CLSTN3: variants seen among roughly 807,000 people sequenced by gnomAD.
CLSTN3 encodes the protein calsyntenin 3.
CLSTN3 carries 36 observed loss-of-function variants against 95.9 expected under a neutral mutation model. That is an observed-to-expected ratio of 0.38 (90% CI 0.29 to 0.50). The LOEUF is 0.50. Ranked by LOEUF, CLSTN3 falls within the 20% of genes least tolerant of loss-of-function variation. The probability of loss-of-function intolerance (pLI) is 0.95; values close to 1 mark genes in which losing one functional copy is unlikely to be tolerated. For missense variants in CLSTN3, 1,084 were observed against 1,268.8 expected (o/e 0.85, Z 2.21); for synonymous variants, 481 against 504.0 (o/e 0.95, Z 0.61).
chr12:7,142,595 T>G (rs1591617275), intron 10 of CLSTN3, among the ~76,000 whole-genome samples: 2 of 152,162 alleles, frequency 1.3e-5, no homozygotes, highest in East Asian at 3.9e-4. Flanking sequence ...TCTTTGTTGC[T>G]TCTACTTTTC....
At chr12:7,143,936 A>T (rs868160418) in intron 12 of CLSTN3, among the ~76,000 whole-genome samples, 3 of 152,192 alleles carry the variant, frequency 2.0e-5, no homozygotes, top group Non-Finnish European at 4.4e-5. Flanking sequence ...CTAATCCTTC[A>T]TAGAAAAAGT....
At position 7,149,471 on chromosome 12, in the gene CLSTN3, A is replaced by C; in HGVS notation, c.2075-52A>C. Reference sequence around the variant, plus strand: ...TGATGAGGGCATGGTTGGGTCTCAGAACCTCCGTGGGCCCTTTGGCTCTGA... The same window carrying C: ...TGATGAGGGCATGGTTGGGTCTCAGCACCTCCGTGGGCCCTTTGGCTCTGA... On this transcript the variant is annotated intron_variant, in intron 13 of 17. Transcript: ENST00000266546. This position sits in a 1 kb window ranked among gnomAD's most constrained non-coding sequence, Gnocchi z 4.5. 314 of 1,547,088 alleles carry C rather than the reference A, an allele frequency of 2.0e-4. No individual in the cohort carries two copies. Among genetic ancestry groups the C allele is most frequent in the Non-Finnish European group, 2.5e-4 (288 of 1,135,916 alleles).
intron 16 of CLSTN3, among the ~76,000 whole-genome samples, chr12:7,153,422 G>A (rs944204350): frequency 2.0e-5 from 3 of 152,182 alleles, no homozygotes; most frequent in African/African-American, 7.2e-5. Flanking sequence ...TGGGATTACA[G>A]GTGTGAGCCG....
At position 7,150,895 on chromosome 12, in the gene CLSTN3, C is replaced by T. The variant is rs1939711615; in HGVS notation, c.2392-33C>T. 5.1e-6 allele frequency: 8 copies of T among 1,555,570 alleles called. No individual in the cohort carries two copies. The highest frequency in any genetic ancestry group is 2.7e-5 in the African/African-American group (2 of 73,676). The stretch of plus-strand genomic sequence containing the variant: ...AGAAGTGGGGAGGACCTGGGAGAAG[C>T]GTGTGTGCCCATGGAGCCCTCCCTC... On this transcript the variant is annotated intron_variant, in intron 15 of 17. Transcript: ENST00000266546. The surrounding 1 kb of genome is among the most constrained non-coding windows in gnomAD (Gnocchi z 4.0).
rs1297332211 is a variant in CLSTN3 at position 7,157,843 on chromosome 12, CAG to C, written c.2731-97_2731-96del. On this transcript the variant is annotated intron_variant, in intron 17 of 17. Transcript: ENST00000266546. The surrounding 1 kb of genome is among the most constrained non-coding windows in gnomAD (Gnocchi z 5.9). ...AGGTTCAGGCAGGGAAGGGGGTACA[CAG>C]GGGTTAAGGGGACCGAGGGAAGTGT... 6.6e-6 allele frequency: 10 copies of C among 1,516,968 alleles called. No individual in the cohort carries two copies. Among genetic ancestry groups the C allele is most frequent in the African/African-American group, 1.4e-5 (1 of 72,514 alleles). The allele number at this position is 1,516,968 out of a possible 1,614,324, so 94.0% of individuals were successfully genotyped here.
Position 7,149,724 on chromosome 12 carries a change from G to C in CLSTN3, c.2245+31G>C. ...TGGGGCCTGAGGGCCTGTCCTCTGT[G>C]TGTGTGTGCCCCTCCCAAAAAGTAA... On this transcript the variant is annotated intron_variant, in intron 14 of 17. Transcript: ENST00000266546. The surrounding 1 kb of genome is among the most constrained non-coding windows in gnomAD (Gnocchi z 4.5). 6.3e-7 allele frequency: 1 copy of C among 1,594,966 alleles called. No homozygotes were observed. The highest frequency in any genetic ancestry group is 8.6e-7 in the Non-Finnish European group (1 of 1,167,368).
intron 4 of CLSTN3, 88 bp downstream of exon 4, chr12:7,135,623 T>C (rs1339522354): frequency 1.4e-6 from 2 of 1,458,226 alleles, no homozygotes; most frequent in Non-Finnish European, 1.9e-6. Context: ...TTCTCCACTT[T>C]TGCCCCTCAG....
chr12:7,143,119 A>G (rs757221609), intron 11 of CLSTN3, 44 bp from the exon 12 acceptor site: 2 of 1,596,924 alleles, frequency 1.3e-6, no homozygotes, highest in South Asian at 1.1e-5. Flanking sequence ...TTCCTCTGCC[A>G]CCTCCTGGCC....
At position 7,132,679 on chromosome 12, in the gene CLSTN3, C is replaced by T. The variant is rs2135793479; in HGVS notation, c.65-345C>T. On this transcript the variant is annotated intron_variant, in intron 1 of 17. Coordinates refer to ENST00000266546, the MANE Select transcript of CLSTN3 (RefSeq NM_014718.4). ...GCCCACCACTGCTCCCTGAAGTTCC[C>T]TGTCTCCATTCTCTAGCACGTGAAA... The T allele has an allele frequency of 5.3e-6, 3 of 565,958 alleles. No individual in the cohort carries two copies. The East Asian group carries it at 8.6e-5, about 16-fold the overall frequency. 35.1% of individuals were successfully genotyped at this position (565,958 alleles called of 1,614,324 possible).
intron 1 of CLSTN3, chr12:7,132,681 G>A: frequency 1.8e-6 from 1 of 565,152 alleles, no homozygotes; most frequent in Non-Finnish European, 3.2e-6. Flanking sequence ...GAAGTTCCCT[G>A]TCTCCATTCT....
chr12:7,148,510 A>G, intron 12 of CLSTN3, among the ~76,000 whole-genome samples: 1 of 152,244 alleles, frequency 6.6e-6, no homozygotes, highest in Non-Finnish European at 1.5e-5. Flanking sequence ...ATCCTTTGAT[A>G]GATGTCCACA....
At chr12:7,153,788 C>G (rs1939766843) in intron 16 of CLSTN3, among the ~76,000 whole-genome samples, 1 of 152,148 alleles carries the variant, frequency 6.6e-6, no homozygotes. Context: ...GATTCTCGAT[C>G]CTTACTTTCT....
rs955612312 is a variant in CLSTN3, at chr12:7,145,730, C to T, written c.1847+2419C>T. Reference sequence around the variant, plus strand: ...CTAGAAGTTCTGCTAGCACCTCAACCGAAAGAGCTAATGCTGAAATAATCA... The same window carrying T: ...CTAGAAGTTCTGCTAGCACCTCAACTGAAAGAGCTAATGCTGAAATAATCA... On this transcript the variant is annotated intron_variant, in intron 12 of 17. Coordinates refer to ENST00000266546, the MANE Select transcript of CLSTN3 (RefSeq NM_014718.4). Among the ~76,000 whole-genome samples, 7 of 152,120 alleles carry T rather than the reference C, an allele frequency of 4.6e-5. No homozygotes were observed. The East Asian group carries it at 5.8e-4, about 13-fold the overall frequency.
intron 16 of CLSTN3, chr12:7,156,886 G>A (rs1286966566): frequency 2.4e-5 from 11 of 454,350 alleles, no homozygotes; most frequent in African/African-American, 4.0e-5. Context: ...GGAGCCCCAA[G>A]CCCACCAGGA....
In CLSTN3 at chr12:7,148,961, T is replaced by G. The variant is rs1213370283; in HGVS notation, c.1848-11T>G. The G allele has an allele frequency of 6.2e-7, 1 of 1,612,004 alleles. No individual in the cohort carries two copies. The highest frequency in any genetic ancestry group is 8.5e-7 in the Non-Finnish European group (1 of 1,178,344). ...GGGGTCACATGCTGCTTCTCCTGCTTTCTTACATAGGTGCTTCAGCGAAGA... is the reference window on the plus strand; with the variant it reads ...GGGGTCACATGCTGCTTCTCCTGCTGTCTTACATAGGTGCTTCAGCGAAGA... On this transcript the variant is annotated splice_polypyrimidine_tract_variant and intron_variant, in intron 12 of 17. Transcript: ENST00000266546.
At position 7,130,653 on chromosome 12, in the gene CLSTN3, C is replaced by T. The variant is rs1206333649; in HGVS notation, c.5C>T (p.Thr2Ile). 3 of 1,569,776 alleles carry T rather than the reference C, an allele frequency of 1.9e-6. No individual in the cohort carries two copies. The highest frequency in any genetic ancestry group is 1.3e-5 in the African/African-American group (1 of 74,210). ...TGCCCTGCCCCACGCCGCACCATGA[C>T]CCTCCTGCTGCTGCCCCTTCTGCTG... M[T>I]LLLLPLLLAS... The change falls in exon 1 of 18, where the codon ACC (threonine) becomes ATC (isoleucine). Residue 2 changes from threonine to isoleucine, a missense_variant. By Grantham distance (89) the Thr-to-Ile change is moderately conservative. Coordinates refer to ENST00000266546, the MANE Select transcript of CLSTN3 (RefSeq NM_014718.4).
In CLSTN3 at chr12:7,143,231, C is replaced by T. The variant is rs1320409626; in HGVS notation, c.1767C>T (p.Ala589=). 1.9e-6 allele frequency: 3 copies of T among 1,614,024 alleles called. No individual in the cohort carries two copies. In the African/African-American group the frequency reaches 4.0e-5, roughly 22 times the overall value. Residue 589 remains alanine, a synonymous_variant, in exon 12 of 18, where the codon GCC becomes GCT. Transcript: ENST00000266546. ...ATGATGTGGAGACCTTCAACCATGC[C>T]CTGCAGCATGTGGCTTACATGAACA... ...EGDDVETFNH[A]LQHVAYMNTL...
rs752282204 is a variant in CLSTN3 at position 7,136,370 on chromosome 12, C to G, written c.907C>G (p.Arg303Gly). 1.2e-6 allele frequency: 2 copies of G among 1,612,266 alleles called. No homozygotes were observed. The highest frequency in any genetic ancestry group is 1.1e-5 in the South Asian group (1 of 90,828). The change falls in exon 6 of 18, where the codon CGG becomes GGG. Residue 303 changes from arginine (R) to glycine (G), a missense_variant. Coordinates refer to ENST00000266546, the MANE Select transcript of CLSTN3 (RefSeq NM_014718.4). ...KGCDRDNYSERALRKLCGAAT... is the reference protein window; with the variant it reads ...KGCDRDNYSEGALRKLCGAAT... The stretch of plus-strand genomic sequence containing the variant: ...CTGTGACCGTGACAACTACTCAGAG[C>G]GGGCGCTGCGGAAACTCTGTGGTAG...
chr12:7,135,759 C>A, intron 4 of CLSTN3, 45 bp from the exon 5 acceptor site: 1 of 1,555,604 alleles, frequency 6.4e-7, no homozygotes. Flanking sequence ...CTGCCCTGGG[C>A]TTTCTCCAAT....
Sources: allele counts gnomAD v4.1 joint callset (sites outside exome capture counted in the v4.1 genomes callset), GRCh38; gene constraint gnomAD v4.1.1; non-coding constraint Gnocchi (gnomAD v3.1); transcripts MANE v1.5; gene names NCBI Gene and HGNC (gene_info 2026-07-23, HGNC 2026-07-21).